The following FSTL4 variants were observed in gnomAD, a reference collection of about 807,000 sequenced individuals.
The protein encoded by FSTL4 is follistatin like 4.
Under a neutral mutation model 78.2 loss-of-function variants are expected in FSTL4, and 28 were observed. That is an observed-to-expected ratio of 0.36 (90% CI 0.27 to 0.49). The LOEUF is 0.49. Ranked by LOEUF, FSTL4 falls within the 20% of genes least tolerant of loss-of-function variation. The pLI is 0.98. For missense variants in FSTL4, 922 were observed against 1,084.9 expected, an observed-to-expected ratio of 0.85 and a Z score of 2.11; for synonymous variants, 422 against 440.5, an observed-to-expected ratio of 0.96 and a Z score of 0.53.
chr5:133,200,233 A>G (rs1028986659), intron 15 of FSTL4, among the ~76,000 whole-genome samples: 5 of 152,268 alleles, frequency 3.3e-5, no homozygotes, highest in African/African-American at 1.2e-4. Flanking sequence ...AAAGAGTTCT[A>G]TATCCTTGCT....
chr5:133,270,469 G>A (rs941393513), intron 6 of FSTL4, among the ~76,000 whole-genome samples: 20 of 152,138 alleles, frequency 1.3e-4, no homozygotes, highest in African/African-American at 3.4e-4. Context: ...ATGTATTAGC[G>A]CTCCGTTCCT....
At chr5:133,554,737 C>G (rs904859325) in intron 3 of FSTL4, among the ~76,000 whole-genome samples, 4 of 152,184 alleles carry the variant, frequency 2.6e-5, no homozygotes, top group African/African-American at 7.2e-5. Context: ...TTCATTCATT[C>G]AAAGCACACT....
intron 2 of FSTL4, among the ~76,000 whole-genome samples, chr5:133,569,243 A>G (rs1738652281): frequency 1.3e-5 from 2 of 152,122 alleles, no homozygotes; most frequent in African/African-American, 4.8e-5. Context: ...TCCAATTCCT[A>G]TACTTCCAGG....
At chr5:133,235,779 C>A (rs1751642215) in intron 7 of FSTL4, among the ~76,000 whole-genome samples, 1 of 152,226 alleles carries the variant, frequency 6.6e-6, no homozygotes, top group African/African-American at 2.4e-5. Context: ...TAAAATAAAA[C>A]ACCAGATAGC....
chr5:133,264,497 G>C (rs921903597), intron 6 of FSTL4, among the ~76,000 whole-genome samples: 2 of 152,124 alleles, frequency 1.3e-5, no homozygotes, highest in Non-Finnish European at 2.9e-5. Flanking sequence ...ACCAGGCTTG[G>C]GGGGCTCACC....
intron 3 of FSTL4, among the ~76,000 whole-genome samples, chr5:133,430,105 A>T (rs777326911): frequency 6.6e-6 from 1 of 152,228 alleles, no homozygotes; most frequent in African/African-American, 2.4e-5. Context: ...TTGTCCAAGC[A>T]ATTTTCAAAC....
chr5:133,423,781 T>C (rs1279330620), intron 3 of FSTL4, among the ~76,000 whole-genome samples: 1 of 152,174 alleles, frequency 6.6e-6, no homozygotes, highest in East Asian at 1.9e-4. Context: ...GACTCATGAC[T>C]GAGGCCACGG....
chr5:133,518,991 G>C (rs74476553), intron 3 of FSTL4, among the ~76,000 whole-genome samples: 6,183 of 152,228 alleles, frequency 0.041, 274 homozygotes, highest in African/African-American at 0.12. Context: ...TCCAGTGAAA[G>C]AAGAAAGACT....
intron 8 of FSTL4, among the ~76,000 whole-genome samples, chr5:133,228,137 G>T (rs893632920): frequency 3.5e-4 from 53 of 152,276 alleles, no homozygotes; most frequent in African/African-American, 1.3e-3. Flanking sequence ...TGAGGTGGGA[G>T]GATCCCTTGA....
At chr5:133,498,333 C>T in intron 3 of FSTL4, among the ~76,000 whole-genome samples, 1 of 152,210 alleles carries the variant, frequency 6.6e-6, no homozygotes, top group Non-Finnish European at 1.5e-5. Flanking sequence ...AGAATTGCAA[C>T]ACAGAGGTGG....
chr5:133,712,477 G>A, the FSTL4 span, among the ~76,000 whole-genome samples: 1 of 152,156 alleles, frequency 6.6e-6, no homozygotes, highest in African/African-American at 2.4e-5. Flanking sequence ...CCTGGTCCCA[G>A]CTCTTTCCAG....
chr5:133,641,129 C>T, the FSTL4 span, among the ~76,000 whole-genome samples: 1 of 152,138 alleles, frequency 6.6e-6, no homozygotes, highest in Non-Finnish European at 1.5e-5. Flanking sequence ...TGCAGCAGCC[C>T]TGCTGCTGAT....
chr5:133,722,253 A>G, the FSTL4 span, among the ~76,000 whole-genome samples: 8 of 152,176 alleles, frequency 5.3e-5, no homozygotes, highest in African/African-American at 1.4e-4. Context: ...TGAGGGATCT[A>G]TGAGAATCTA....
At chr5:133,778,904 G>T in the FSTL4 span, among the ~76,000 whole-genome samples, 31 of 152,194 alleles carry the variant, frequency 2.0e-4, no homozygotes, top group Non-Finnish European at 4.0e-4. Context: ...AGGAACAAAG[G>T]CAGGGCATAA....
the FSTL4 span, among the ~76,000 whole-genome samples, chr5:133,639,406 T>C: frequency 6.6e-6 from 1 of 152,310 alleles, no homozygotes; most frequent in South Asian, 2.1e-4. Flanking sequence ...CATCAGGTTT[T>C]TCCCAAACTC....
At chr5:133,672,949 T>C in the FSTL4 span, among the ~76,000 whole-genome samples, 1,203 of 152,262 alleles carry the variant, frequency 7.9e-3, 10 homozygotes, top group South Asian at 0.014. Flanking sequence ...TAGGGAGACA[T>C]GAGACATCAA....
At chr5:133,783,269 G>C in the FSTL4 span, among the ~76,000 whole-genome samples, 1 of 152,100 alleles carries the variant, frequency 6.6e-6, no homozygotes, top group Non-Finnish European at 1.5e-5. Context: ...TCTAAATATG[G>C]ACATGACTCC....
the FSTL4 span, among the ~76,000 whole-genome samples, chr5:133,739,287 C>CTTTT: frequency 6.9e-6 from 1 of 143,902 alleles, no homozygotes; most frequent in Non-Finnish European, 1.5e-5. Context: ...TTTTCTTTTT[C>CTTTT]TTTTTTTTTT....
At chr5:133,588,045 T>G (rs1166768098) in intron 2 of FSTL4, among the ~76,000 whole-genome samples, 8 of 50,732 alleles carry the variant, frequency 1.6e-4, no homozygotes, top group African/African-American at 3.5e-4. Flanking sequence ...AAGGATTCCC[T>G]ATTTAATAAA....
Sources: gnomAD v4.1 joint callset for allele counts (sites outside exome capture counted in the v4.1 genomes callset) on GRCh38, gnomAD v4.1.1 for gene constraint, MANE v1.5 for transcripts, NCBI Gene and HGNC (gene_info 2026-07-23, HGNC 2026-07-21) for gene names.